STAU2: variants seen among roughly 807,000 people sequenced by gnomAD.
The protein encoded by STAU2 is staufen double-stranded RNA binding protein 2.
In STAU2, 20 loss-of-function variants were observed where a neutral mutation model predicts 65.9. The ratio of observed to expected loss-of-function variants is 0.30; its 90% CI spans 0.21 to 0.44. The LOEUF is 0.44. STAU2 is among the 20% of genes least tolerant of loss of function. STAU2 has a pLI of 1.00. For synonymous variants in STAU2, 232 were observed against 233.9 expected (o/e 0.99, Z 0.07); for missense variants, 558 against 683.9 (o/e 0.82, Z 2.05).
intron 6 of STAU2, among the ~76,000 whole-genome samples, chr8:73,656,494 T>C (rs1245363467): frequency 1.3e-5 from 2 of 152,262 alleles, no homozygotes; most frequent in African/African-American, 2.4e-5. Context: ...CTGGGAAATA[T>C]TCCAAAACAG....
intron 6 of STAU2, among the ~76,000 whole-genome samples, chr8:73,649,554 A>T (rs1815666376): frequency 6.6e-6 from 1 of 152,110 alleles, no homozygotes; most frequent in Non-Finnish European, 1.5e-5. Flanking sequence ...TGAAGAATTT[A>T]TTCTACTAAT....
chr8:73,456,753 G>A (rs1819094315), intron 13 of STAU2, among the ~76,000 whole-genome samples: 1 of 152,136 alleles, frequency 6.6e-6, no homozygotes, highest in Admixed American at 6.5e-5. Context: ...TTTTCTCTAT[G>A]ATGACATATG....
chr8:73,604,448 T>C (rs1188846120), intron 9 of STAU2, among the ~76,000 whole-genome samples: 1 of 152,100 alleles, frequency 6.6e-6, no homozygotes, highest in Non-Finnish European at 1.5e-5. Flanking sequence ...CAACCTGATC[T>C]TGAACTCCTG....
Position 73,654,637 on chromosome 8 carries a change from CAAAAAAA to C in STAU2, c.410+18463_410+18469del, listed in dbSNP as rs71269928. Reference sequence around the variant, plus strand: ...CCTAGATGACAGAACAAGATTGTCTCAAAAAAAAAAAAAAAAAAAAAAAAGAACTCTT... The same window carrying C: ...CCTAGATGACAGAACAAGATTGTCTCAAAAAAAAAAAAAAAAAGAACTCTT... On this transcript the variant is annotated intron_variant, in intron 6 of 14. Coordinates refer to ENST00000524300, the MANE Select transcript of STAU2 (RefSeq NM_001164380.2). Among the ~76,000 whole-genome samples the C allele has an allele frequency of 9.1e-4, 24 of 26,308 alleles. 1 individual carries two copies. The South Asian group carries it at 0.017, about 19-fold the overall frequency. 17.3% of individuals were successfully genotyped at this position (26,308 alleles called of 152,430 possible).
chr8:73,572,161 A>G (rs549710165), intron 12 of STAU2, among the ~76,000 whole-genome samples: 1 of 152,358 alleles, frequency 6.6e-6, no homozygotes, highest in South Asian at 2.1e-4. Context: ...AGAAATGGAT[A>G]GATTTCTGGA....
intron 5 of STAU2, among the ~76,000 whole-genome samples, chr8:73,680,740 T>A (rs1818369655): frequency 6.6e-6 from 1 of 151,458 alleles, no homozygotes; most frequent in African/African-American, 2.4e-5. Context: ...GATGAAAAAA[T>A]TTCCAGAGAA....
intron 3 of STAU2, among the ~76,000 whole-genome samples, chr8:73,737,580 G>A (rs200765161): frequency 2.7e-5 from 3 of 111,678 alleles, no homozygotes; most frequent in Admixed American, 2.7e-4. Context: ...TTTTTTTTTT[G>A]TTTTTAAGAG....
At chr8:73,572,713 A>C (rs1809200284) in intron 12 of STAU2, among the ~76,000 whole-genome samples, 1 of 152,126 alleles carries the variant, frequency 6.6e-6, no homozygotes, top group South Asian at 2.1e-4. Flanking sequence ...CATGCTAAAA[A>C]CTCTGAAAAA....
At chr8:73,422,163 G>A (rs140327618) in intron 14 of STAU2, among the ~76,000 whole-genome samples, 408 of 152,214 alleles carry the variant, frequency 2.7e-3, no homozygotes, top group Non-Finnish European at 3.9e-3. Flanking sequence ...AAAACAACAC[G>A]GAAAACCGAA....
At chr8:73,674,124 A>G (rs1817870751) in intron 5 of STAU2, among the ~76,000 whole-genome samples, 2 of 136,002 alleles carry the variant, frequency 1.5e-5, no homozygotes, top group Admixed American at 1.6e-4. Flanking sequence ...TAAACCCAAA[A>G]CTAAAAAAAA....
rs182002112 is a variant in STAU2 at position 73,745,165 on chromosome 8, T to C, written c.-197+1618A>G. Among the ~76,000 whole-genome samples the C allele has an allele frequency of 1.8e-3, 276 of 152,336 alleles. 2 individuals carry two copies. Among genetic ancestry groups the C allele is most frequent in the Middle Eastern group, 3.4e-3 (1 of 294 alleles). ...AGCAGGAAAACACAAACACACCAGA[T>C]AGTTTGGCATAACTGCTTCGCAAAT... On this transcript the variant is annotated intron_variant, in intron 1 of 14. Coordinates refer to ENST00000524300, the MANE Select transcript of STAU2 (RefSeq NM_001164380.2).
intron 13 of STAU2, among the ~76,000 whole-genome samples, chr8:73,500,497 T>C (rs1165724816): frequency 6.6e-6 from 1 of 151,946 alleles, no homozygotes. Context: ...CACAGTATTT[T>C]GTGGGAAACC....
chr8:73,679,823 G>A (rs1271725368), intron 5 of STAU2, among the ~76,000 whole-genome samples: 2 of 151,260 alleles, frequency 1.3e-5, no homozygotes, highest in Admixed American at 6.6e-5. Context: ...AGGAGGCGGA[G>A]GCTGCAGTAA....
At chr8:73,746,446 G>A (rs996046240) in intron 1 of STAU2, among the ~76,000 whole-genome samples, 5 of 145,040 alleles carry the variant, frequency 3.4e-5, no homozygotes, top group Non-Finnish European at 7.6e-5. Context: ...CTGTCTCCCC[G>A]ACCTCCGCAC....
At chr8:73,521,574 AT>A (rs144798130) in intron 13 of STAU2, among the ~76,000 whole-genome samples, 1 of 152,196 alleles carries the variant, frequency 6.6e-6, no homozygotes, top group Non-Finnish European at 1.5e-5. Flanking sequence ...TCAACTTATG[AT>A]TTTTTGACTT....
intron 6 of STAU2, among the ~76,000 whole-genome samples, chr8:73,665,874 C>T (rs541668754): frequency 6.6e-6 from 1 of 152,120 alleles, no homozygotes; most frequent in African/African-American, 2.4e-5. Context: ...ATAACCTATG[C>T]ACATCCTCCC....
At chr8:73,505,707 C>T (rs915545004) in intron 13 of STAU2, among the ~76,000 whole-genome samples, 4 of 152,056 alleles carry the variant, frequency 2.6e-5, no homozygotes, top group South Asian at 2.1e-4. Context: ...TTCTTAACTG[C>T]TTTATTAAGG....
intron 3 of STAU2, among the ~76,000 whole-genome samples, chr8:73,710,131 G>A (rs979710306): frequency 5.3e-5 from 8 of 151,838 alleles, no homozygotes; most frequent in African/African-American, 9.7e-5. Flanking sequence ...TTCCCCTACC[G>A]TTTCTCCTCA....
intron 13 of STAU2, among the ~76,000 whole-genome samples, chr8:73,490,769 A>G (rs1821118754): frequency 6.6e-6 from 1 of 152,050 alleles, no homozygotes; most frequent in African/African-American, 2.4e-5. Flanking sequence ...GGAGCTCAAT[A>G]TTCTTCCTTC....
Sources: allele counts gnomAD v4.1 joint callset (sites outside exome capture counted in the v4.1 genomes callset), GRCh38; gene constraint gnomAD v4.1.1; transcripts MANE v1.5; gene names NCBI Gene and HGNC (gene_info 2026-07-23, HGNC 2026-07-21).